SSC5D: variants seen among roughly 807,000 people sequenced by gnomAD.
The protein encoded by SSC5D is scavenger receptor cysteine rich family member with 5 domains.
In SSC5D, 106 loss-of-function variants were observed where a neutral mutation model predicts 104.6. That is an observed-to-expected ratio of 1.01 (90% CI 0.87 to 1.19). The LOEUF (loss-of-function observed/expected upper bound fraction) is 1.19, where lower values mean the gene tolerates loss of function less well. SSC5D is among the 50% of genes most tolerant of loss of function. The pLI, the probability that SSC5D is intolerant of heterozygous loss-of-function variation, is 0.00. For synonymous variants in SSC5D, 860 were observed against 883.5 expected (o/e 0.97, Z 0.47); for missense variants, 1,993 against 2,153.8 (o/e 0.93, Z 1.48).
chr19:55,488,507 C>A lies in SSC5D; in HGVS notation c.-83C>A, dbSNP rs1987016423. 7.6e-7 allele frequency: 1 copy of A among 1,310,540 alleles called. No individual in the cohort carries two copies. The highest frequency in any genetic ancestry group is 1.1e-6 in the Non-Finnish European group (1 of 930,972). 81.2% of individuals were successfully genotyped at this position (1,310,540 alleles called of 1,614,324 possible). ...GCGCCTCCAGCAGGCACTTCCCTCC[C>A]TCCCTCTCTCCCCAGCTGCCTCCTC... On this transcript the variant is annotated 5_prime_UTR_variant, in exon 1 of 14. Coordinates refer to ENST00000389623, the MANE Select transcript of SSC5D (RefSeq NM_001144950.2).
chr19:55,517,563 A>C lies in SSC5D; in HGVS notation c.3287A>C (p.Lys1096Thr). ...CCCACGCCCTTACCCACCTTGCCCA[A>C]AGAGCTGACCTCTGACCCTTCTACA... ...PSPTPLPTLP[K>T]ELTSDPSTPS... The change falls in exon 14 of 14, where the codon AAA becomes ACA. Residue 1096 changes from lysine to threonine, a missense_variant. Lys to Thr is a moderately conservative substitution (Grantham distance 78). Transcript: ENST00000389623. 6.4e-7 allele frequency: 1 copy of C among 1,551,034 alleles called. No homozygotes were observed.
chr19:55,488,499 TTCCCTCCC>T lies in SSC5D; in HGVS notation c.-84_-77del. ...GGGCCTGGGCGCCTCCAGCAGGCAC[TTCCCTCCC>T]TCCCTCTCTCCCCAGCTGCCTCCTC... On this transcript the variant is annotated 5_prime_UTR_variant, in exon 1 of 14. Transcript: ENST00000389623. 1 of 1,219,358 alleles carries T rather than the reference TTCCCTCCC, an allele frequency of 8.2e-7. No homozygotes were observed. The highest frequency in any genetic ancestry group is 1.2e-6 in the Non-Finnish European group (1 of 859,588). The allele number at this position is 1,219,358 out of a possible 1,614,324, so 75.5% of individuals were successfully genotyped here.
chr19:55,489,057 T>TGTGGGGGGGG, intron 2 of SSC5D, 25 bp downstream of exon 2: 1 of 1,247,976 alleles, frequency 8.0e-7, no homozygotes, highest in East Asian at 3.6e-5. Flanking sequence ...TCCTCCCATC[T>TGTGGGGGGGG]GCCCGCCCCC....
Position 55,500,375 on chromosome 19 carries a change from G to A in SSC5D, c.2265G>A (p.Pro755=), listed in dbSNP as rs994255798. Residue 755 remains proline, a synonymous_variant, in exon 10 of 14, where the codon CCG becomes CCA. Coordinates refer to ENST00000389623, the MANE Select transcript of SSC5D (RefSeq NM_001144950.2). The surrounding 1 kb of genome is among the most constrained non-coding windows in gnomAD (Gnocchi z 4.6). Reference sequence around the variant, plus strand: ...GGTCTCCAGAGTCACCCAAAGACCCGGCCCCCTCTCCCAGTGTTAGCACCA... The same window carrying A: ...GGTCTCCAGAGTCACCCAAAGACCCAGCCCCCTCTCCCAGTGTTAGCACCA... ...PEGSPESPKD[P]APSPSVSTTG... The A allele has an allele frequency of 6.7e-5, 104 of 1,551,158 alleles. No homozygotes were observed. The highest frequency in any genetic ancestry group is 8.3e-5 in the Non-Finnish European group (95 of 1,146,904).
At chr19:55,494,053 T>A in intron 7 of SSC5D, 141 bp downstream of exon 7, 1 of 834,246 alleles carries the variant, frequency 1.2e-6, no homozygotes, top group Non-Finnish European at 1.8e-6. Context: ...CTTATTCCCC[T>A]CTGAATCCTC....
chr19:55,495,488 C>T (rs972164737), intron 8 of SSC5D, among the ~76,000 whole-genome samples: 1 of 151,142 alleles, frequency 6.6e-6, no homozygotes, highest in African/African-American at 2.4e-5. Context: ...CTGCCTCGGC[C>T]TCCCAAAGTG....
chr19:55,502,535 ATC>A (rs960671117), intron 12 of SSC5D, among the ~76,000 whole-genome samples: 7 of 150,544 alleles, frequency 4.6e-5, no homozygotes, highest in Admixed American at 4.0e-4. Context: ...TCACACTCTC[ATC>A]TCTGTTTCTC....
intron 7 of SSC5D, among the ~76,000 whole-genome samples, 154 bp from the exon 8 acceptor site, chr19:55,494,456 G>A (rs550141424): frequency 6.6e-6 from 1 of 152,278 alleles, no homozygotes; most frequent in South Asian, 2.1e-4. Flanking sequence ...CAGGGATGTG[G>A]AAAGCGTGGG....
At chr19:55,494,900 C>A in intron 8 of SSC5D, 117 bp downstream of exon 8, 2 of 1,222,454 alleles carry the variant, frequency 1.6e-6, no homozygotes, top group East Asian at 5.5e-5. Flanking sequence ...AAGAGGAGCA[C>A]AGGGGCCTCG....
rs1007960806 is a variant in SSC5D at position 55,489,132 on chromosome 19, T to C, written c.52+100T>C. The stretch of plus-strand genomic sequence containing the variant: ...TCACCCCCACTGGGTCCCCGGCCCA[T>C]CCGAATTCCACTGTGACCTTGGCCC... On this transcript the variant is annotated intron_variant, in intron 2 of 13. Transcript: ENST00000389623. 3.6e-5 allele frequency: 26 copies of C among 724,026 alleles called. No homozygotes were observed. In the Admixed American group the frequency reaches 1.5e-3, roughly 43 times the overall value. The allele number at this position is 724,026 out of a possible 1,614,324, so 44.9% of individuals were successfully genotyped here. A position where few individuals can be genotyped will look rare whatever the true frequency, so the allele number is the denominator to read the frequency against.
intron 2 of SSC5D, 142 bp downstream of exon 2, chr19:55,489,174 TC>T (rs1987054038): frequency 2.1e-6 from 2 of 945,174 alleles, no homozygotes; most frequent in East Asian, 3.3e-5. Flanking sequence ...CGCAAGGGAA[TC>T]CCCCAGGTGT....
Position 55,500,211 on chromosome 19 carries a change from A to G in SSC5D, c.2101A>G (p.Thr701Ala). The G allele has an allele frequency of 6.4e-7, 1 of 1,550,560 alleles. No homozygotes were observed. ...RWTSHTTATL[T>A]PQAPRERTTK... ...GACCTCTCACACCACTGCCACGCTG[A>G]CCCCTCAGGCCCCCCGAGAACGGAC... Residue 701 changes from threonine (T) to alanine (A), a missense_variant, in exon 10 of 14, where the codon ACC (threonine) becomes GCC (alanine). Thr to Ala is a moderately conservative substitution (Grantham distance 58). This residue lies in a region of SSC5D where 1,101 missense variants were observed against 1,085.0 expected (regional missense o/e 1.01). Transcript: ENST00000389623. This position sits in a 1 kb window ranked among gnomAD's most constrained non-coding sequence, Gnocchi z 4.6.
At chr19:55,496,031 C>T (rs576793477) in intron 8 of SSC5D, among the ~76,000 whole-genome samples, 54 of 151,962 alleles carry the variant, frequency 3.6e-4, no homozygotes, top group African/African-American at 1.2e-3. Flanking sequence ...GTGAGCCACC[C>T]GGCCAGGTGC....
At chr19:55,489,825 A>G in intron 3 of SSC5D, 57 bp from the exon 4 acceptor site, 3 of 1,507,110 alleles carry the variant, frequency 2.0e-6, no homozygotes, top group Non-Finnish European at 1.8e-6. Context: ...CAGGGACCCA[A>G]ATGGCCTGGA....
intron 13 of SSC5D, among the ~76,000 whole-genome samples, chr19:55,515,493 G>A (rs1472422078): frequency 1.3e-5 from 2 of 151,882 alleles, no homozygotes; most frequent in Non-Finnish European, 2.9e-5. Flanking sequence ...AGCACTTTGG[G>A]AGGCCGAAGC....
At chr19:55,513,352 G>T (rs1380126144) in intron 13 of SSC5D, among the ~76,000 whole-genome samples, 180 bp downstream of exon 13, 2 of 152,188 alleles carry the variant, frequency 1.3e-5, no homozygotes, top group African/African-American at 4.8e-5. Context: ...ACTTTGGGAG[G>T]CCGAGTTGGG....
Position 55,490,811 on chromosome 19 carries a change from G to A in SSC5D, c.626G>A (p.Gly209Glu). 6.5e-7 allele frequency: 1 copy of A among 1,545,892 alleles called. No homozygotes were observed. The highest frequency in any genetic ancestry group is 8.7e-7 in the Non-Finnish European group (1 of 1,145,346). Residue 209 changes from glycine to glutamate, a missense_variant, in exon 6 of 14, where the codon GGA becomes GAA. Coordinates refer to ENST00000389623, the MANE Select transcript of SSC5D (RefSeq NM_001144950.2). ...GTCTCTGGCCCCCACAGGTGCGCCG[G>A]ACGCCTGGAGGTCTGGCACGGCGGG... ...RLVSGPHRCAGRLEVWHGGRW... is the reference protein window; with the variant it reads ...RLVSGPHRCAERLEVWHGGRW...
intron 8 of SSC5D, among the ~76,000 whole-genome samples, chr19:55,496,360 T>C (rs1279936115): frequency 6.6e-6 from 1 of 152,064 alleles, no homozygotes; most frequent in East Asian, 1.9e-4. Context: ...GCATCAGAAA[T>C]ACAGAAAATA....
Position 55,490,940 on chromosome 19 carries a change from G to C in SSC5D, c.755G>C (p.Arg252Thr). Residue 252 changes from arginine to threonine, a missense_variant, in exon 6 of 14, where the codon AGA (arginine) becomes ACA (threonine). Arg to Thr is a moderately conservative substitution (Grantham distance 71). Around this residue, in one of 6 missense-constraint regions of SSC5D, gnomAD observed 1,101 missense variants for 1,085.0 expected, o/e 1.01. Coordinates refer to ENST00000389623, the MANE Select transcript of SSC5D (RefSeq NM_001144950.2). ...GCGCTGGCTGCCCCCGGCGGTGCCA[G>C]ATTCGGGCCTGGTGCAGGGCCCGTG... ...GGALAAPGGA[R>T]FGPGAGPVWM... The C allele has an allele frequency of 6.5e-7, 1 of 1,545,070 alleles. No homozygotes were observed. Among genetic ancestry groups the C allele is most frequent in the Non-Finnish European group, 8.7e-7 (1 of 1,144,006 alleles).
Sources: gnomAD v4.1 joint callset for allele counts (sites outside exome capture counted in the v4.1 genomes callset) on GRCh38, gnomAD v4.1.1 for gene constraint, gnomAD v4.1.1 regional missense constraint, Gnocchi (gnomAD v3.1) non-coding constraint, MANE v1.5 for transcripts, NCBI Gene and HGNC (gene_info 2026-07-23, HGNC 2026-07-21) for gene names.